The following HMCN1 variants were observed in gnomAD, a reference collection of about 807,000 sequenced individuals.
The protein encoded by HMCN1 is hemicentin-1.
Under a neutral mutation model 625.9 loss-of-function variants are expected in HMCN1, and 321 were observed. The ratio of observed to expected loss-of-function variants is 0.51; its 90% CI spans 0.47 to 0.56. The LOEUF is 0.56. HMCN1 is among the 20% of genes least tolerant of loss of function. The pLI, the probability that HMCN1 is intolerant of heterozygous loss-of-function variation, is 0.00. For missense variants in HMCN1, 6,588 were observed against 6,887.3 expected, an observed-to-expected ratio of 0.96 and a Z score of 1.54; for synonymous variants, 2,425 against 2,417.6, an observed-to-expected ratio of 1.00 and a Z score of -0.09.
At chr1:186,020,622 C>G (rs59300442) in intron 35 of HMCN1, among the ~76,000 whole-genome samples, 2 of 152,018 alleles carry the variant, frequency 1.3e-5, no homozygotes, top group African/African-American at 4.8e-5. Flanking sequence ...AAGAGAAAAC[C>G]TAGAGGTGTA....
At position 185,922,363 on chromosome 1, in the gene HMCN1, C is replaced by A; in HGVS notation, c.901-16C>A. 1 of 1,612,886 alleles carries A rather than the reference C, an allele frequency of 6.2e-7. No individual in the cohort carries two copies. The highest frequency in any genetic ancestry group is 1.1e-5 in the South Asian group (1 of 90,998). The stretch of plus-strand genomic sequence containing the variant: ...TGGATCAACTGCTGACCAGGTTTGT[C>A]ATTAAACATTTTCAGACCTCAAGCA... On this transcript the variant is annotated splice_polypyrimidine_tract_variant and intron_variant, in intron 6 of 106. Coordinates refer to ENST00000271588, the MANE Select transcript of HMCN1 (RefSeq NM_031935.3).
At chr1:185,973,530 T>C (rs1650977321) in intron 15 of HMCN1, among the ~76,000 whole-genome samples, 1 of 152,074 alleles carries the variant, frequency 6.6e-6, no homozygotes, top group African/African-American at 2.4e-5. Context: ...CCATATCATT[T>C]AGCTATTTGA....
intron 1 of HMCN1, among the ~76,000 whole-genome samples, chr1:185,773,778 T>C (rs1347912859): frequency 6.6e-6 from 1 of 152,136 alleles, no homozygotes; most frequent in Non-Finnish European, 1.5e-5. Context: ...GTATTGAACA[T>C]GTAGCATTAG....
At chr1:186,104,244 C>T (rs542534090) in intron 69 of HMCN1, among the ~76,000 whole-genome samples, 2 of 152,132 alleles carry the variant, frequency 1.3e-5, no homozygotes, top group African/African-American at 4.8e-5. Context: ...TATTCTCCAT[C>T]TGAGCCCTAA....
chr1:186,171,946 C>T, intron 101 of HMCN1, 60 bp from the exon 102 acceptor site: 1 of 1,530,780 alleles, frequency 6.5e-7, no homozygotes, highest in South Asian at 1.1e-5. Context: ...AGTATGATTT[C>T]TCTGGAAAAG....
intron 12 of HMCN1, among the ~76,000 whole-genome samples, chr1:185,963,268 TCCAG>T (rs1650159022): frequency 6.6e-6 from 1 of 152,154 alleles, no homozygotes; most frequent in Admixed American, 6.6e-5. Context: ...ATACGTGTGA[TCCAG>T]CCAGTTGAGC....
chr1:185,964,574 G>C (rs755576034), intron 13 of HMCN1, among the ~76,000 whole-genome samples: 1 of 152,116 alleles, frequency 6.6e-6, no homozygotes, highest in Non-Finnish European at 1.5e-5. Flanking sequence ...AGGTATAGGT[G>C]AGGGAGAGAA....
At chr1:186,161,994 G>T (rs908500193) in intron 97 of HMCN1, among the ~76,000 whole-genome samples, 6 of 152,212 alleles carry the variant, frequency 3.9e-5, no homozygotes, top group African/African-American at 1.4e-4. Flanking sequence ...AGTTCTCCTG[G>T]ATAATATCCT....
intron 4 of HMCN1, among the ~76,000 whole-genome samples, chr1:185,869,630 T>C (rs1663484239): frequency 6.6e-6 from 1 of 152,154 alleles, no homozygotes; most frequent in African/African-American, 2.4e-5. Flanking sequence ...CAAGTCAATA[T>C]ATTCCTTAAA....
In HMCN1 at chr1:185,964,271, A is replaced by G. The variant is rs181687804; in HGVS notation, c.2098+376A>G. Among the ~76,000 whole-genome samples the G allele has an allele frequency of 6.0e-4, 91 of 152,276 alleles. 1 individual carries two copies. Among genetic ancestry groups the G allele is most frequent in the Admixed American group, 1.6e-3 (25 of 15,272 alleles). On this transcript the variant is annotated intron_variant, in intron 13 of 106. Transcript: ENST00000271588. ...ACTTATATTAAAAACTGTGTATAAT[A>G]TAATTTTTACTTTTTATCTTCAATT... is the stretch of plus-strand genomic sequence containing the variant.
intron 70 of HMCN1, among the ~76,000 whole-genome samples, chr1:186,107,803 G>C (rs76745774): frequency 6.6e-6 from 1 of 151,930 alleles, no homozygotes; most frequent in African/African-American, 2.4e-5. Flanking sequence ...CTCTTCTAAG[G>C]ATTTTGAAAC....
intron 67 of HMCN1, 95 bp from the exon 68 acceptor site, chr1:186,095,148 A>G (rs537169681): frequency 6.8e-5 from 87 of 1,274,452 alleles, no homozygotes; most frequent in Middle Eastern, 1.9e-4. Context: ...TTTATCAACC[A>G]CAGAAACATT....
At chr1:186,006,569 A>G (rs991994577) in intron 29 of HMCN1, among the ~76,000 whole-genome samples, 3 of 152,028 alleles carry the variant, frequency 2.0e-5, no homozygotes, top group African/African-American at 7.2e-5. Context: ...ATATCTTTCA[A>G]TATTTATGAT....
At chr1:185,827,729 C>T (rs1238705595) in intron 1 of HMCN1, among the ~76,000 whole-genome samples, 2 of 151,808 alleles carry the variant, frequency 1.3e-5, no homozygotes, top group East Asian at 3.9e-4. Context: ...GATAATTTCC[C>T]TAAGTTAAGG....
chr1:186,156,837 A>G (rs1651057350), intron 97 of HMCN1, among the ~76,000 whole-genome samples: 1 of 152,206 alleles, frequency 6.6e-6, no homozygotes, highest in South Asian at 2.1e-4. Flanking sequence ...TTTAACAAAT[A>G]TTTGTTGAGT....
intron 11 of HMCN1, among the ~76,000 whole-genome samples, chr1:185,941,379 G>A (rs1668073067): frequency 6.6e-6 from 1 of 152,096 alleles, no homozygotes; most frequent in Non-Finnish European, 1.5e-5. Flanking sequence ...ACCACATGGA[G>A]TTATTTCTAA....
At chr1:185,925,750 C>T (rs1667244204) in intron 9 of HMCN1, among the ~76,000 whole-genome samples, 1 of 152,012 alleles carries the variant, frequency 6.6e-6, no homozygotes, top group Non-Finnish European at 1.5e-5. Flanking sequence ...CATAAAGATG[C>T]CAAGAAAGAT....
chr1:185,837,815 T>C (rs771871776), intron 1 of HMCN1, among the ~76,000 whole-genome samples: 3 of 152,224 alleles, frequency 2.0e-5, no homozygotes, highest in African/African-American at 4.8e-5. Context: ...GTATTTGTCT[T>C]TTCTGGTTAG....
intron 97 of HMCN1, among the ~76,000 whole-genome samples, chr1:186,156,533 C>G (rs1212996067): frequency 1.3e-5 from 2 of 152,142 alleles, no homozygotes; most frequent in Admixed American, 1.3e-4. Flanking sequence ...GGGAAGTGAA[C>G]ACCCTTACAC....
Sources: gnomAD v4.1 joint callset for allele counts (sites outside exome capture counted in the v4.1 genomes callset) on GRCh38, gnomAD v4.1.1 for gene constraint, MANE v1.5 for transcripts, NCBI Gene and HGNC (gene_info 2026-07-23, HGNC 2026-07-21) for gene names.